Variants in NR3C2 observed in about 807,000 individuals in gnomAD.
NR3C2 encodes nuclear receptor subfamily 3 group C member 2.
A neutral mutation model predicts 86.4 loss-of-function variants in NR3C2; 15 were observed. The ratio of observed to expected loss-of-function variants is 0.17; its 90% CI spans 0.12 to 0.27. The LOEUF is 0.27. NR3C2 is among the 10% of genes least tolerant of loss of function. NR3C2 has a pLI of 1.00. For missense variants in NR3C2, 960 were observed against 1,195.6 expected (o/e 0.80, Z 2.91); for synonymous variants, 458 against 450.5 (o/e 1.02, Z -0.21).
chr4:148,201,648 C>G (rs1736724396), intron 3 of NR3C2, among the ~76,000 whole-genome samples: 1 of 107,622 alleles, frequency 9.3e-6, no homozygotes, highest in Admixed American at 8.2e-5. Flanking sequence ...GCCTGCCAAC[C>G]CTGGCTGATG....
At chr4:148,092,365 C>T (rs1447665606) in intron 8 of NR3C2, among the ~76,000 whole-genome samples, 1 of 152,192 alleles carries the variant, frequency 6.6e-6, no homozygotes, top group East Asian at 1.9e-4. Flanking sequence ...GCTCCTTAAA[C>T]AGCGGCCTGC....
chr4:148,133,166 C>T (rs1336741972), intron 6 of NR3C2, among the ~76,000 whole-genome samples: 3 of 149,080 alleles, frequency 2.0e-5, no homozygotes, highest in African/African-American at 7.5e-5. Flanking sequence ...GCACTTCAGC[C>T]TGGACGACAG....
intron 8 of NR3C2, among the ~76,000 whole-genome samples, chr4:148,085,501 ACGGAAATTTATAGC>A (rs1206234786): frequency 2.6e-5 from 4 of 152,256 alleles, no homozygotes; most frequent in African/African-American, 9.6e-5. Flanking sequence ...CAGTGTTCAG[ACGGAAATTTATAGC>A]ACTAAATGCC....
intron 2 of NR3C2, among the ~76,000 whole-genome samples, chr4:148,421,583 A>G (rs1483076282): frequency 2.6e-5 from 4 of 152,202 alleles, no homozygotes; most frequent in African/African-American, 9.7e-5. Flanking sequence ...CAGCTTGGTT[A>G]ATATCAGTGA....
intron 2 of NR3C2, among the ~76,000 whole-genome samples, chr4:148,406,256 C>A (rs1443904632): frequency 2.0e-5 from 3 of 151,948 alleles, no homozygotes; most frequent in Admixed American, 1.3e-4. Context: ...GAGAGTTAAA[C>A]AAGTAATAAT....
intron 6 of NR3C2, among the ~76,000 whole-genome samples, chr4:148,124,822 T>C (rs1732671615): frequency 6.6e-6 from 1 of 152,206 alleles, no homozygotes; most frequent in Non-Finnish European, 1.5e-5. Context: ...TTCTCAGATC[T>C]CTTTTCCATA....
At chr4:148,325,313 T>C (rs1291543545) in intron 2 of NR3C2, among the ~76,000 whole-genome samples, 1 of 152,186 alleles carries the variant, frequency 6.6e-6, no homozygotes, top group Non-Finnish European at 1.5e-5. Context: ...ATACTACATA[T>C]TACAATTCAC....
At chr4:148,339,975 A>G (rs1744674582) in intron 2 of NR3C2, among the ~76,000 whole-genome samples, 1 of 152,148 alleles carries the variant, frequency 6.6e-6, no homozygotes, top group South Asian at 2.1e-4. Context: ...ATTAAATTCC[A>G]AGGAATAAAT....
At chr4:148,118,704 C>G (rs1473782226) in intron 7 of NR3C2, among the ~76,000 whole-genome samples, 1 of 152,180 alleles carries the variant, frequency 6.6e-6, no homozygotes, top group African/African-American at 2.4e-5. Context: ...GCCACACAAT[C>G]TGCTCCAAGT....
intron 2 of NR3C2, among the ~76,000 whole-genome samples, chr4:148,381,965 C>T (rs897055961): frequency 1.3e-5 from 2 of 152,184 alleles, no homozygotes; most frequent in Non-Finnish European, 2.9e-5. Flanking sequence ...TTACCTAGAT[C>T]CAATACAAAT....
At chr4:148,082,015 G>A (rs771344937) in intron 8 of NR3C2, among the ~76,000 whole-genome samples, 2 of 152,216 alleles carry the variant, frequency 1.3e-5, no homozygotes, top group South Asian at 2.1e-4. Context: ...TGGAGCTGCC[G>A]CCAAGGGGCC....
chr4:148,295,546 C>A (rs890863072), intron 2 of NR3C2, among the ~76,000 whole-genome samples: 1 of 147,302 alleles, frequency 6.8e-6, no homozygotes, highest in African/African-American at 2.5e-5. Flanking sequence ...CTTCTTCTGC[C>A]ATCTCTGCCC....
At chr4:148,383,677 G>A (rs1747112684) in intron 2 of NR3C2, among the ~76,000 whole-genome samples, 1 of 152,256 alleles carries the variant, frequency 6.6e-6, no homozygotes, top group Admixed American at 6.5e-5. Flanking sequence ...TTTTGGACGG[G>A]CGCAGTGGCT....
In NR3C2 at chr4:148,436,871, T is replaced by C; in HGVS notation, c.-2-9A>G. On this transcript the variant is annotated splice_polypyrimidine_tract_variant and intron_variant, in intron 1 of 8. Coordinates refer to ENST00000358102, the MANE Select transcript of NR3C2 (RefSeq NM_000901.5). ...GCCTTTGGTCTCCATCGCTAACAAA[T>C]AAATTTACATTAAAAAATTAGAGTC... 6.3e-7 allele frequency: 1 copy of C among 1,588,028 alleles called. No homozygotes were observed. The highest frequency in any genetic ancestry group is 2.3e-5 in the East Asian group (1 of 44,242).
chr4:148,423,580 C>T (rs61758358), intron 2 of NR3C2, among the ~76,000 whole-genome samples: 2,758 of 152,310 alleles, frequency 0.018, 29 homozygotes, highest in Middle Eastern at 0.031. Context: ...AAGCTGTATA[C>T]ACTCATGTGA....
At chr4:148,401,169 C>T (rs1250684518) in intron 2 of NR3C2, among the ~76,000 whole-genome samples, 1 of 152,180 alleles carries the variant, frequency 6.6e-6, no homozygotes, top group Non-Finnish European at 1.5e-5. Flanking sequence ...AGTATACCCA[C>T]CATGTGAACC....
At chr4:148,159,869 T>C (rs1734576370) in intron 4 of NR3C2, among the ~76,000 whole-genome samples, 1 of 152,208 alleles carries the variant, frequency 6.6e-6, no homozygotes, top group Admixed American at 6.5e-5. Flanking sequence ...CTTACCACTA[T>C]TTAGCACCTT....
chr4:148,316,591 T>C lies in NR3C2; in HGVS notation c.1758-56474A>G, dbSNP rs541569737. Among the ~76,000 whole-genome samples, 18 of 152,314 alleles carry C rather than the reference T, an allele frequency of 1.2e-4. No individual in the cohort carries two copies. In the East Asian group the frequency reaches 3.3e-3, roughly 28 times the overall value. On this transcript the variant is annotated intron_variant, in intron 2 of 8. Coordinates refer to ENST00000358102, the MANE Select transcript of NR3C2 (RefSeq NM_000901.5). ...ATAGGTATATCTGAAATGCTCTCTT[T>C]GCAATTTCTTTTAAGGAGGAAATTT...
intron 3 of NR3C2, among the ~76,000 whole-genome samples, chr4:148,221,908 A>AAG (rs1560985867): frequency 2.6e-5 from 4 of 151,326 alleles, no homozygotes; most frequent in African/African-American, 7.3e-5. Context: ...AAAAAAAAAA[A>AAG]AAAAGAAAAA....
Sources: gnomAD v4.1 joint callset for allele counts (sites outside exome capture counted in the v4.1 genomes callset) on GRCh38, gnomAD v4.1.1 for gene constraint, MANE v1.5 for transcripts, NCBI Gene and HGNC (gene_info 2026-07-23, HGNC 2026-07-21) for gene names.